Variants in HTT observed in about 807,000 individuals in gnomAD.
The protein encoded by HTT is huntingtin, also known as huntington disease protein.
A neutral mutation model predicts 362.3 loss-of-function variants in HTT; 104 were observed. The ratio of observed to expected loss-of-function variants is 0.29; its 90% CI spans 0.24 to 0.34. The LOEUF (loss-of-function observed/expected upper bound fraction) is 0.34, where lower values mean the gene tolerates loss of function less well. HTT is among the 10% of genes least tolerant of loss of function. The probability of loss-of-function intolerance (pLI) is 1.00; values close to 1 mark genes in which losing one functional copy is unlikely to be tolerated. For synonymous variants in HTT, 1,577 were observed against 1,548.7 expected (o/e 1.02, Z -0.43); for missense variants, 3,301 against 3,928.6 (o/e 0.84, Z 4.27).
intron 29 of HTT, among the ~76,000 whole-genome samples, chr4:3,164,027 A>AT (rs1344906903): frequency 1.3e-5 from 2 of 151,900 alleles, no homozygotes; most frequent in African/African-American, 4.8e-5. Flanking sequence ...TAGGGTGTTA[A>AT]TTTTAGATCT....
intron 27 of HTT, 116 bp downstream of exon 27, chr4:3,154,535 G>T (rs927359872): frequency 7.4e-7 from 1 of 1,348,496 alleles, no homozygotes; most frequent in East Asian, 2.5e-5. Context: ...TCAGTAAAGT[G>T]AGAGAAAGTT....
intron 47 of HTT, among the ~76,000 whole-genome samples, chr4:3,210,925 A>G (rs7438553): frequency 0.28 from 24,770 of 88,256 alleles, 3,706 homozygotes; most frequent in African/African-American, 0.48. Context: ...TTTTTGAGAC[A>G]AAGTCTCGCT....
At chr4:3,195,628 C>T (rs1295988960) in intron 40 of HTT, among the ~76,000 whole-genome samples, 1 of 152,098 alleles carries the variant, frequency 6.6e-6, no homozygotes, top group Non-Finnish European at 1.5e-5. Context: ...CTCAGTGCCA[C>T]TGTTGTCTTT....
rs142319109 is a variant in HTT, at chr4:3,108,001, G to A, written c.747+578G>A. On this transcript the variant is annotated intron_variant, in intron 6 of 66. Transcript: ENST00000355072. ...CTCCTGGGAGGTGATGATACACACT[G>A]GGTAGAGTGGAATCAGATGGACTTG... 1.6e-3 allele frequency among the ~76,000 whole-genome samples: 244 copies of A among 152,316 alleles called. 2 individuals are homozygous for A. The highest frequency in any genetic ancestry group is 2.9e-3 in the Admixed American group (45 of 15,308).
intron 8 of HTT, among the ~76,000 whole-genome samples, chr4:3,116,583 G>A (rs972209361): frequency 6.6e-6 from 1 of 152,208 alleles, no homozygotes; most frequent in Admixed American, 6.5e-5. Context: ...CACCCACTGT[G>A]TGCTAGGCTC....
chr4:3,111,210 T>C (rs924087901), intron 6 of HTT, among the ~76,000 whole-genome samples: 1,898 of 151,180 alleles, frequency 0.013, 49 homozygotes, highest in African/African-American at 0.044. Context: ...TTTTTTTTTT[T>C]TGAGATGGAG....
At chr4:3,226,479 A>T (rs998237898) in intron 57 of HTT, among the ~76,000 whole-genome samples, 1 of 152,178 alleles carries the variant, frequency 6.6e-6, no homozygotes, top group African/African-American at 2.4e-5. Flanking sequence ...CCTTAAAAAA[A>T]AATGTAAACA....
chr4:3,138,107 TCCTC>T, intron 21 of HTT, among the ~76,000 whole-genome samples: 1 of 149,620 alleles, frequency 6.7e-6, no homozygotes, highest in South Asian at 2.2e-4. Context: ...CTTCTTTCCT[TCCTC>T]CCTTCCTCCC....
In HTT at chr4:3,235,301, G is replaced by T. The variant is rs1358193160; in HGVS notation, c.8474G>T (p.Ser2825Ile). Residue 2825 changes from serine (S) to isoleucine (I), a missense_variant, in exon 62 of 67, where the codon AGC (serine) becomes ATC (isoleucine). Transcript: ENST00000355072. ...GTTTTCAGCTGCGTGAACATTCACA[G>T]CCAGCAGCACGTACTGGTCATGTGT... is the stretch of plus-strand genomic sequence containing the variant. Reference protein sequence around the residue: ...KGIAHCVNIHSQQHVLVMCAT... With the variant: ...KGIAHCVNIHIQQHVLVMCAT... The T allele has an allele frequency of 1.2e-6, 2 of 1,613,126 alleles. No homozygotes were observed. The highest frequency in any genetic ancestry group is 4.5e-5 in the East Asian group (2 of 44,896).
intron 29 of HTT, among the ~76,000 whole-genome samples, chr4:3,161,051 C>T (rs931047752): frequency 1.3e-5 from 2 of 152,122 alleles, no homozygotes; most frequent in Non-Finnish European, 2.9e-5. Context: ...AGGTATTTCT[C>T]CTAATGTTAT....
At chr4:3,142,704 T>G in intron 22 of HTT, 62 bp from the exon 23 acceptor site, 1 of 871,892 alleles carries the variant, frequency 1.1e-6, no homozygotes, top group Non-Finnish European at 1.7e-6. Context: ...TTAAATGCCA[T>G]TTGATCTTTA....
chr4:3,225,614 C>A (rs1227075954), intron 56 of HTT, 47 bp from the exon 57 acceptor site: 2 of 1,558,016 alleles, frequency 1.3e-6, no homozygotes, highest in Non-Finnish European at 1.8e-6. Flanking sequence ...GGGCCTGCGG[C>A]CCTGCCCCCC....
chr4:3,087,120 G>T, intron 2 of HTT, 98 bp downstream of exon 2: 1 of 634,630 alleles, frequency 1.6e-6, no homozygotes, highest in Non-Finnish European at 2.8e-6. Context: ...ATTTTAAATG[G>T]ATTCAGAAAT....
chr4:3,206,037 T>C lies in HTT; in HGVS notation c.5719-459T>C, dbSNP rs528205110. Among the ~76,000 whole-genome samples, 4 of 152,378 alleles carry C rather than the reference T, an allele frequency of 2.6e-5. No homozygotes were observed. The East Asian group carries it at 7.7e-4, about 29-fold the overall frequency. On this transcript the variant is annotated intron_variant, in intron 42 of 66. Transcript: ENST00000355072. This position sits in a 1 kb window ranked among gnomAD's most constrained non-coding sequence, Gnocchi z 4.6. Reference sequence around the variant, plus strand: ...CTGTGGCAGTGATAGGGGATTCTTTTTTTCCCACTGAACTATCACAAAATT... The same window carrying C: ...CTGTGGCAGTGATAGGGGATTCTTTCTTTCCCACTGAACTATCACAAAATT...
Position 3,228,891 on chromosome 4 carries a change from C to G in HTT, c.7991C>G (p.Ala2664Gly), listed in dbSNP as rs781263790. The stretch of plus-strand genomic sequence containing the variant: ...CGCATATTCCACAGGAAACACCGGG[C>G]TGGAGTTGACATCCACTCCTGTTCG... ...TSPVNSRKHR[A>G]GVDIHSCSQF... Residue 2664 changes from alanine (A) to glycine (G), a missense_variant, in exon 59 of 67, where the codon GCT (alanine) becomes GGT (glycine). This residue lies in a region of HTT where 753 missense variants were observed against 1,021.3 expected (regional missense o/e 0.74). Coordinates refer to ENST00000355072, the MANE Select transcript of HTT (RefSeq NM_001388492.1). The surrounding 1 kb of genome is among the most constrained non-coding windows in gnomAD (Gnocchi z 4.3). 2 of 1,613,256 alleles carry G rather than the reference C, an allele frequency of 1.2e-6. No homozygotes were observed. The highest frequency in any genetic ancestry group is 4.5e-5 in the East Asian group (2 of 44,888).
At chr4:3,175,202 C>A in intron 33 of HTT, 95 bp downstream of exon 33, 2 of 1,163,374 alleles carry the variant, frequency 1.7e-6, no homozygotes, top group Non-Finnish European at 1.2e-6. Context: ...GAAATGTGGT[C>A]TGCATGTTTC....
intron 29 of HTT, among the ~76,000 whole-genome samples, chr4:3,164,175 C>T (rs1323415844): frequency 1.3e-5 from 2 of 152,128 alleles, no homozygotes; most frequent in African/African-American, 2.4e-5. Flanking sequence ...GCCTTCATTT[C>T]GTTATTTACC....
At chr4:3,176,021 G>GTTTTT (rs1560580460) in intron 33 of HTT, among the ~76,000 whole-genome samples, 11 of 132,826 alleles carry the variant, frequency 8.3e-5, no homozygotes, top group Non-Finnish European at 1.4e-4. Context: ...TGTTGTTGTT[G>GTTTTT]TTTGTTTTTT....
chr4:3,104,207 T>C (rs570765195), intron 4 of HTT, among the ~76,000 whole-genome samples: 1 of 152,072 alleles, frequency 6.6e-6, no homozygotes, highest in East Asian at 2.0e-4. Context: ...AACCGAACTT[T>C]GGGCTGGTCT....
Sources: allele counts gnomAD v4.1 joint callset (sites outside exome capture counted in the v4.1 genomes callset), GRCh38; gene constraint gnomAD v4.1.1; regional missense constraint gnomAD v4.1.1; non-coding constraint Gnocchi (gnomAD v3.1); transcripts MANE v1.5; gene names NCBI Gene and HGNC (gene_info 2026-07-23, HGNC 2026-07-21).